Variants in SCRN1 observed in about 807,000 individuals in gnomAD.
SCRN1 encodes secernin 1.
In SCRN1, 19 loss-of-function variants were observed where a neutral mutation model predicts 43.3. That is an observed-to-expected ratio of 0.44 (90% CI 0.31 to 0.64). The LOEUF (loss-of-function observed/expected upper bound fraction) is 0.64. Ranked by LOEUF, SCRN1 falls within the 30% of genes least tolerant of loss-of-function variation. The pLI is 0.09. For synonymous variants in SCRN1, 183 were observed against 188.9 expected (o/e 0.97, Z 0.26); for missense variants, 447 against 524.1 (o/e 0.85, Z 1.44).
At chr7:29,975,300 T>C (rs1788783881) in intron 1 of SCRN1, among the ~76,000 whole-genome samples, 1 of 152,172 alleles carries the variant, frequency 6.6e-6, no homozygotes, top group African/African-American at 2.4e-5. Context: ...TGTCCAGAAA[T>C]AAAGCTATAA....
Position 29,961,171 on chromosome 7 carries a change from C to A in SCRN1, c.160-5811G>T, listed in dbSNP as rs578073974. 5.8e-5 allele frequency among the ~76,000 whole-genome samples: 8 copies of A among 138,300 alleles called. No individual in the cohort carries two copies. The East Asian group carries it at 1.5e-3, about 25-fold the overall frequency. The allele number at this position is 138,300 out of a possible 152,430, so 90.7% of individuals were successfully genotyped here. On this transcript the variant is annotated intron_variant, in intron 2 of 7. Transcript: ENST00000242059. ...AGTGGAGGGAAGGTCAGCAGATAAA[C>A]AAGTGAACAAAGGTCTCTGGTTTTC...
intron 1 of SCRN1, among the ~76,000 whole-genome samples, chr7:29,986,240 G>A (rs932807300): frequency 6.6e-6 from 1 of 152,206 alleles, no homozygotes; most frequent in African/African-American, 2.4e-5. Flanking sequence ...TGTCTCGAGA[G>A]AGAGCAAGAC....
rs1186562297 is a variant in SCRN1 at position 29,922,329 on chromosome 7, G to A, written c.*1628C>T. The A allele has an allele frequency of 1.3e-5, 2 of 152,208 alleles. No individual in the cohort carries two copies. Among genetic ancestry groups the A allele is most frequent in the South Asian group, 2.1e-4 (1 of 4,830 alleles). The allele number at this position is 152,208 out of a possible 1,614,324, so 9.4% of individuals were successfully genotyped here. On this transcript the variant is annotated 3_prime_UTR_variant, in exon 8 of 8. Transcript: ENST00000242059. Reference sequence around the variant, plus strand: ...GAGAGTTGGTAGAAAAAAAGAATGTGTTCTGATAAAACCTCTGATCCTCAC... The same window carrying A: ...GAGAGTTGGTAGAAAAAAAGAATGTATTCTGATAAAACCTCTGATCCTCAC...
chr7:29,924,495 G>C (rs1488926248), intron 7 of SCRN1, among the ~76,000 whole-genome samples: 1 of 152,164 alleles, frequency 6.6e-6, no homozygotes, highest in Non-Finnish European at 1.5e-5. Flanking sequence ...CCCTCTGGAG[G>C]GCCATCCCCT....
At chr7:29,934,356 CCCTGTCT>C (rs1395957446) in intron 6 of SCRN1, among the ~76,000 whole-genome samples, 3 of 152,132 alleles carry the variant, frequency 2.0e-5, no homozygotes, top group African/African-American at 7.2e-5. Context: ...GCTCACAAGG[CCCTGTCT>C]CCTGAGCACA....
chr7:29,969,975 T>C, intron 1 of SCRN1: 1 of 422,568 alleles, frequency 2.4e-6, no homozygotes, highest in South Asian at 1.7e-5. Context: ...CCTAAATCTC[T>C]ATGGAAACCT....
upstream of SCRN1, chr7:29,990,104 C>T: frequency 1.3e-6 from 2 of 1,547,334 alleles, no homozygotes. Context: ...CTTTTGGCGC[C>T]TCTTCCCGAC....
chr7:29,978,116 C>T (rs1052609070), intron 1 of SCRN1, among the ~76,000 whole-genome samples: 1 of 152,220 alleles, frequency 6.6e-6, no homozygotes, highest in African/African-American at 2.4e-5. Context: ...ACAGTTAACT[C>T]TGTGGTCTTC....
At position 29,923,715 on chromosome 7, in the gene SCRN1, G is replaced by A; in HGVS notation, c.*242C>T. Reference sequence around the variant, plus strand: ...AATAGCAGCTTAAAATCCACAATTAGTCACACAACCGAACAACAGGCAACG... The same window carrying A: ...AATAGCAGCTTAAAATCCACAATTAATCACACAACCGAACAACAGGCAACG... On this transcript the variant is annotated 3_prime_UTR_variant, in exon 8 of 8. Coordinates refer to ENST00000242059, the MANE Select transcript of SCRN1 (RefSeq NM_014766.5). 3 of 416,572 alleles carry A rather than the reference G, an allele frequency of 7.2e-6. No homozygotes were observed. Among genetic ancestry groups the A allele is most frequent in the Non-Finnish European group, 1.3e-5 (3 of 232,886 alleles). The allele number at this position is 416,572 out of a possible 1,614,324, so 25.8% of individuals were successfully genotyped here.
intron 1 of SCRN1, among the ~76,000 whole-genome samples, chr7:29,973,350 C>T (rs1284105532): frequency 6.6e-6 from 1 of 152,188 alleles, no homozygotes. Context: ...GAATTTTTGA[C>T]ACCTTCACTT....
At chr7:29,940,923 A>C in intron 4 of SCRN1, 47 bp from the exon 5 acceptor site, 1 of 1,395,594 alleles carries the variant, frequency 7.2e-7, no homozygotes, top group Non-Finnish European at 9.4e-7. Flanking sequence ...ACTTATAAAG[A>C]CTTAATCAAC....
At chr7:29,971,218 C>CT (rs1329848160) in intron 1 of SCRN1, among the ~76,000 whole-genome samples, 1 of 152,228 alleles carries the variant, frequency 6.6e-6, no homozygotes, top group Admixed American at 6.5e-5. Flanking sequence ...CTTTACCTCT[C>CT]TGAGCCTAGG....
Position 29,927,324 on chromosome 7 carries a change from A to G in SCRN1, c.906-692T>C, listed in dbSNP as rs150864896. On this transcript the variant is annotated intron_variant, in intron 6 of 7. Coordinates refer to ENST00000242059, the MANE Select transcript of SCRN1 (RefSeq NM_014766.5). ...TGTGCGTATGCCTGCATGTGTGTGTACTTGTACAAGTCTAGGATACATCAC... is the reference window on the plus strand; with the variant it reads ...TGTGCGTATGCCTGCATGTGTGTGTGCTTGTACAAGTCTAGGATACATCAC... 2.1e-3 allele frequency among the ~76,000 whole-genome samples: 323 copies of G among 151,944 alleles called. 4 individuals are homozygous for G. The highest frequency in any genetic ancestry group is 7.5e-3 in the African/African-American group (309 of 41,438).
In SCRN1 at chr7:29,921,773, T is replaced by C. The variant is rs781367534; in HGVS notation, c.*2184A>G. On this transcript the variant is annotated 3_prime_UTR_variant, in exon 8 of 8. Coordinates refer to ENST00000242059, the MANE Select transcript of SCRN1 (RefSeq NM_014766.5). Reference sequence around the variant, plus strand: ...CCAATGGGTAATGACATAAAGCGGGTAGGGTTATCCATGGCCTTTGTTTGG... The same window carrying C: ...CCAATGGGTAATGACATAAAGCGGGCAGGGTTATCCATGGCCTTTGTTTGG... The C allele has an allele frequency of 4.6e-5, 7 of 152,078 alleles. No individual in the cohort carries two copies. Among genetic ancestry groups the C allele is most frequent in the East Asian group, 1.9e-4 (1 of 5,190 alleles). 9.4% of individuals were successfully genotyped at this position (152,078 alleles called of 1,614,324 possible).
rs1424612683 is a variant in SCRN1, at chr7:29,944,286, T to C, written c.342-107A>G. 5.6e-6 allele frequency: 5 copies of C among 886,796 alleles called. No individual in the cohort carries two copies. In the East Asian group the frequency reaches 7.6e-5, roughly 14 times the overall value. The allele number at this position is 886,796 out of a possible 1,614,324, so 54.9% of individuals were successfully genotyped here. ...CCGAGTTATGAAGCATGCCAACATG[T>C]GTAAACATGTTAAGTCTGCAGAACA... On this transcript the variant is annotated intron_variant, in intron 3 of 7. Transcript: ENST00000242059.
rs200381115 is a variant in SCRN1 at position 29,936,606 on chromosome 7, A to G, written c.855T>C (p.Asn285=). The change falls in exon 6 of 8, where the codon AAT becomes AAC. Residue 285 remains asparagine (N), a synonymous_variant. Transcript: ENST00000242059. ...AGTAGTGAATGCACGGAGAGCTTCT[A>G]TTCTGCGGCAGGACAGACACTCCAC... ...TASGVSVLPQ[N]RSSPCIHYFT... is the part of the protein sequence containing the mutation. The G allele has an allele frequency of 7.5e-6, 12 of 1,606,208 alleles. No individual in the cohort carries two copies. The Admixed American group carries it at 1.2e-4, about 16-fold the overall frequency.
At chr7:29,958,202 T>C (rs1372398012) in intron 2 of SCRN1, among the ~76,000 whole-genome samples, 1 of 152,162 alleles carries the variant, frequency 6.6e-6, no homozygotes, top group Non-Finnish European at 1.5e-5. Context: ...TAAGGGCTCT[T>C]CTATGACAGC....
intron 1 of SCRN1, among the ~76,000 whole-genome samples, chr7:29,988,215 C>G (rs1789223587): frequency 6.6e-6 from 1 of 152,162 alleles, no homozygotes; most frequent in Non-Finnish European, 1.5e-5. Context: ...GCACACATCT[C>G]TTTTAAGAGC....
At chr7:29,977,498 A>C (rs1788868660) in intron 1 of SCRN1, among the ~76,000 whole-genome samples, 1 of 152,218 alleles carries the variant, frequency 6.6e-6, no homozygotes, top group African/African-American at 2.4e-5. Context: ...CTAATTAAAA[A>C]TTGGGATGTA....
Sources: gnomAD v4.1 joint callset for allele counts (sites outside exome capture counted in the v4.1 genomes callset) on GRCh38, gnomAD v4.1.1 for gene constraint, MANE v1.5 for transcripts, NCBI Gene and HGNC (gene_info 2026-07-23, HGNC 2026-07-21) for gene names.